WWOX: variants seen among roughly 807,000 people sequenced by gnomAD.
The protein encoded by WWOX is WW domain-containing oxidoreductase.
In WWOX, 69 loss-of-function variants were observed where a neutral mutation model predicts 46.2. The ratio of observed to expected loss-of-function variants is 1.49; its 90% CI spans 1.23 to 1.82. The LOEUF is 1.82. WWOX is among the 40% of genes most tolerant of loss of function. The pLI, the probability that WWOX is intolerant of heterozygous loss-of-function variation, is 0.00. For missense variants in WWOX, 919 were observed against 542.6 expected (o/e 1.69, Z -6.89); for synonymous variants, 359 against 202.6 (o/e 1.77, Z -6.56).
chr16:78,915,469 C>G (rs7189505), intron 8 of WWOX, among the ~76,000 whole-genome samples: 105,549 of 152,028 alleles, frequency 0.69, 38,635 homozygotes, highest in Non-Finnish European at 0.83. Context: ...TAATGACTGT[C>G]CCTCTAATGA....
chr16:78,383,825 A>G (rs574674526), intron 5 of WWOX, among the ~76,000 whole-genome samples: 2 of 152,298 alleles, frequency 1.3e-5, no homozygotes, highest in South Asian at 2.1e-4. Context: ...GTGGACTTGA[A>G]TCACTATCCC....
Position 78,865,764 on chromosome 16 carries a change from C to A in WWOX, c.1057-345844C>A, listed in dbSNP as rs535662359. ...GCTTGGTGGCAAGTGCCTGTAATCC[C>A]AGCTACTCAGGAGACGGAGGCAGGA... is the stretch of plus-strand genomic sequence containing the variant. On this transcript the variant is annotated intron_variant, in intron 8 of 8. Transcript: ENST00000566780. Among the ~76,000 whole-genome samples, 14 of 152,244 alleles carry A rather than the reference C, an allele frequency of 9.2e-5. No individual in the cohort carries two copies. In the South Asian group the frequency reaches 2.7e-3, roughly 29 times the overall value.
chr16:78,774,054 C>T (rs543455302), intron 8 of WWOX, among the ~76,000 whole-genome samples: 34 of 152,072 alleles, frequency 2.2e-4, no homozygotes, highest in Non-Finnish European at 1.0e-4. Flanking sequence ...TTTCATGTTC[C>T]TTGAAGGAAG....
intron 8 of WWOX, chr16:78,780,434 A>G (rs184171272): frequency 2.6e-5 from 4 of 152,226 alleles, no homozygotes; most frequent in African/African-American, 7.2e-5. Context: ...CTGAAATAAA[A>G]TGATAAACAA....
At chr16:78,860,949 G>A (rs1011809847) in intron 8 of WWOX, among the ~76,000 whole-genome samples, 1 of 152,130 alleles carries the variant, frequency 6.6e-6, no homozygotes, top group Non-Finnish European at 1.5e-5. Context: ...CTGAGTAGCT[G>A]GGACTACAGG....
chr16:78,804,746 T>G (rs1395001079), intron 8 of WWOX, among the ~76,000 whole-genome samples: 1 of 152,262 alleles, frequency 6.6e-6, no homozygotes, highest in African/African-American at 2.4e-5. Context: ...AAATGCTGTT[T>G]GTAGCAAAAG....
chr16:78,952,470 C>T (rs1271394240), intron 8 of WWOX, among the ~76,000 whole-genome samples: 1 of 151,754 alleles, frequency 6.6e-6, no homozygotes, highest in Non-Finnish European at 1.5e-5. Flanking sequence ...GCAACCTCCA[C>T]CTCCCAGGTT....
chr16:78,924,724 A>T lies in WWOX; in HGVS notation c.1057-286884A>T, dbSNP rs539103841. 5.9e-5 allele frequency among the ~76,000 whole-genome samples: 9 copies of T among 152,292 alleles called. No homozygotes were observed. In the East Asian group the frequency reaches 1.7e-3, roughly 29 times the overall value. On this transcript the variant is annotated intron_variant, in intron 8 of 8. Coordinates refer to ENST00000566780, the MANE Select transcript of WWOX (RefSeq NM_016373.4). ...CATTAATACCTTGAATAAGTTTATA[A>T]TCTGGTCATTCTGTAGAGCTTCCTA...
intron 8 of WWOX, among the ~76,000 whole-genome samples, chr16:78,787,181 G>A (rs369510187): frequency 1.3e-5 from 2 of 151,992 alleles, no homozygotes; most frequent in Non-Finnish European, 2.9e-5. Context: ...AACAAAAAAA[G>A]TTCACCACTT....
At chr16:78,973,746 A>G (rs374081616) in intron 8 of WWOX, among the ~76,000 whole-genome samples, 103 of 152,302 alleles carry the variant, frequency 6.8e-4, no homozygotes, top group Non-Finnish European at 1.2e-3. Context: ...AAGTAAATGA[A>G]AAGTATTTCT....
chr16:79,170,412 A>G (rs1251031692), intron 8 of WWOX, among the ~76,000 whole-genome samples: 2 of 152,136 alleles, frequency 1.3e-5, no homozygotes, highest in South Asian at 2.1e-4. Flanking sequence ...CTCCTAATAC[A>G]TTTTCTTATA....
At chr16:78,778,352 T>C (rs776162606) in intron 8 of WWOX, among the ~76,000 whole-genome samples, 17 of 152,202 alleles carry the variant, frequency 1.1e-4, no homozygotes, top group Non-Finnish European at 2.1e-4. Flanking sequence ...GTAACTGATT[T>C]ACCACTTGGT....
intron 8 of WWOX, among the ~76,000 whole-genome samples, chr16:78,908,515 G>C (rs909418135): frequency 2.0e-5 from 3 of 146,594 alleles, no homozygotes; most frequent in African/African-American, 5.0e-5. Context: ...ACTCCAGCCT[G>C]GGCGACAGAC....
intron 8 of WWOX, among the ~76,000 whole-genome samples, chr16:78,928,737 C>G (rs1019562940): frequency 6.6e-6 from 1 of 152,048 alleles, no homozygotes; most frequent in African/African-American, 2.4e-5. Context: ...TTTTATGGAC[C>G]TGCATTGCTG....
At chr16:78,633,882 G>T (rs867190983) in intron 8 of WWOX, among the ~76,000 whole-genome samples, 7 of 151,780 alleles carry the variant, frequency 4.6e-5, no homozygotes, top group Non-Finnish European at 8.8e-5. Context: ...AGCAGGGGAG[G>T]AACCATCTGA....
At chr16:78,805,622 A>C (rs1223145465) in intron 8 of WWOX, among the ~76,000 whole-genome samples, 1 of 152,170 alleles carries the variant, frequency 6.6e-6, no homozygotes, top group Non-Finnish European at 1.5e-5. Context: ...TAGATGCAGA[A>C]GAGTGGGATC....
intron 8 of WWOX, among the ~76,000 whole-genome samples, chr16:78,878,049 C>G (rs1026775840): frequency 6.6e-6 from 1 of 152,150 alleles, no homozygotes; most frequent in Non-Finnish European, 1.5e-5. Context: ...GGAAGATCCC[C>G]TAAGACAAAG....
At chr16:78,800,487 C>G (rs1006631601) in intron 8 of WWOX, among the ~76,000 whole-genome samples, 2 of 152,172 alleles carry the variant, frequency 1.3e-5, no homozygotes, top group African/African-American at 4.8e-5. Flanking sequence ...CTTCTTCTTT[C>G]TCCTACGAAT....
chr16:78,551,793 G>C (rs1200619464), intron 8 of WWOX: 1 of 152,168 alleles, frequency 6.6e-6, no homozygotes, highest in Non-Finnish European at 1.5e-5. Flanking sequence ...AGACTCCAGG[G>C]ACATGATTGC....
Sources: allele counts gnomAD v4.1 joint callset (sites outside exome capture counted in the v4.1 genomes callset), GRCh38; gene constraint gnomAD v4.1.1; transcripts MANE v1.5; gene names NCBI Gene and HGNC (gene_info 2026-07-23, HGNC 2026-07-21).